DCAF6: variants seen among roughly 807,000 people sequenced by gnomAD.
DCAF6 encodes the protein DDB1 and CUL4 associated factor 6, also known as DDB1- and CUL4-associated factor 6.
DCAF6 carries 54 observed loss-of-function variants against 125.1 expected under a neutral mutation model. The ratio of observed to expected loss-of-function variants is 0.43; its 90% CI spans 0.35 to 0.54. The LOEUF is 0.54. DCAF6 is among the 20% of genes least tolerant of loss of function. DCAF6 has a pLI of 0.01. For synonymous variants in DCAF6, 371 were observed against 390.4 expected (o/e 0.95, Z 0.58); for missense variants, 934 against 1,161.7 (o/e 0.80, Z 2.85).
In DCAF6 at chr1:168,045,209, G is replaced by A. The variant is rs145189179; in HGVS notation, c.2240G>A (p.Arg747Gln). Residue 747 changes from arginine to glutamine, a missense_variant, in exon 16 of 22, where the codon CGA (arginine) becomes CAA (glutamine). Around this residue, in one of 5 missense-constraint regions of DCAF6, gnomAD observed 559 missense variants for 635.5 expected, o/e 0.88. Coordinates refer to ENST00000367840, the MANE Select transcript of DCAF6 (RefSeq NM_001198956.2). Reference sequence around the variant, plus strand: ...GTCCTGATCCCAGGTGCAAGGTATCGAGCAGGACCTGGTGATAGGTTGGTA... The same window carrying A: ...GTCCTGATCCCAGGTGCAAGGTATCAAGCAGGACCTGGTGATAGGTTGGTA... Reference protein sequence around the residue: ...DPVLIPGARYRAGPGDRFNIR... With the variant: ...DPVLIPGARYQAGPGDRFNIR... The A allele has an allele frequency of 5.0e-4, 800 of 1,607,734 alleles. No homozygotes were observed. Among genetic ancestry groups the A allele is most frequent in the Middle Eastern group, 3.0e-3 (18 of 6,028 alleles).
chr1:167,988,169 A>AT (rs932115604), intron 5 of DCAF6, among the ~76,000 whole-genome samples: 4 of 151,808 alleles, frequency 2.6e-5, no homozygotes, highest in Non-Finnish European at 4.4e-5. Context: ...TAATTAATTA[A>AT]TTTTTTTTGA....
chr1:167,870,240 C>T, the DCAF6 span: 1 of 1,613,910 alleles, frequency 6.2e-7, no homozygotes, highest in African/African-American at 1.3e-5. Context: ...ACAGAACAAT[C>T]ATTCCAAGAC....
intron 13 of DCAF6, among the ~76,000 whole-genome samples, chr1:168,039,252 G>A: frequency 6.6e-6 from 1 of 151,900 alleles, no homozygotes; most frequent in East Asian, 1.9e-4. Flanking sequence ...ACATGTAGAA[G>A]TATACGATTT....
chr1:168,047,702 ATGTG>A (rs920179792), intron 16 of DCAF6, among the ~76,000 whole-genome samples: 1 of 151,620 alleles, frequency 6.6e-6, no homozygotes, highest in African/African-American at 2.4e-5. Context: ...TTATATATAT[ATGTG>A]TGTGTGTGTA....
intron 8 of DCAF6, among the ~76,000 whole-genome samples, 166 bp downstream of exon 8, chr1:168,002,741 G>A (rs436256): frequency 6.6e-6 from 1 of 151,600 alleles, no homozygotes; most frequent in Non-Finnish European, 1.5e-5. Context: ...GTGGAATGGC[G>A]CAGTCACTGG....
At chr1:167,925,038 G>T in the DCAF6 span, among the ~76,000 whole-genome samples, 1 of 152,152 alleles carries the variant, frequency 6.6e-6, no homozygotes, top group Non-Finnish European at 1.5e-5. Context: ...GTTTTGAAAA[G>T]TATCACCAGA....
At chr1:167,978,273 T>G (rs1678558231) in intron 4 of DCAF6, among the ~76,000 whole-genome samples, 1 of 152,230 alleles carries the variant, frequency 6.6e-6, no homozygotes, top group South Asian at 2.1e-4. Flanking sequence ...ATATATTTGG[T>G]TATTTTAGAG....
At chr1:167,942,085 G>T (rs1298138426) in intron 1 of DCAF6, among the ~76,000 whole-genome samples, 1 of 151,986 alleles carries the variant, frequency 6.6e-6, no homozygotes, top group Non-Finnish European at 1.5e-5. Flanking sequence ...TTGTTTTTGA[G>T]ACGGAGTTTC....
At chr1:168,016,110 G>T (rs537808764) in intron 11 of DCAF6, among the ~76,000 whole-genome samples, 159 bp downstream of exon 11, 2 of 152,296 alleles carry the variant, frequency 1.3e-5, no homozygotes, top group East Asian at 3.9e-4. Context: ...AACATCACGT[G>T]TTAGGGGGAC....
chr1:167,907,518 C>T, the DCAF6 span, among the ~76,000 whole-genome samples: 2 of 152,230 alleles, frequency 1.3e-5, no homozygotes, highest in Non-Finnish European at 2.9e-5. Flanking sequence ...CCAGAAGTGA[C>T]GTATTTCACT....
the DCAF6 span, among the ~76,000 whole-genome samples, chr1:167,874,762 A>C: frequency 6.6e-6 from 1 of 152,254 alleles, no homozygotes; most frequent in Non-Finnish European, 1.5e-5. Flanking sequence ...TATTTATAAA[A>C]ATGGAATACT....
chr1:167,922,816 T>G, the DCAF6 span, among the ~76,000 whole-genome samples: 2 of 152,112 alleles, frequency 1.3e-5, no homozygotes, highest in Admixed American at 1.3e-4. Flanking sequence ...AAAAGTACAT[T>G]TAAGAGAATT....
chr1:167,929,811 A>G, the DCAF6 span, among the ~76,000 whole-genome samples: 5 of 152,312 alleles, frequency 3.3e-5, no homozygotes, highest in Non-Finnish European at 5.9e-5. Context: ...GGTATTCACT[A>G]TATCCCTCTG....
intron 12 of DCAF6, 160 bp downstream of exon 12, chr1:168,023,207 G>C: frequency 1.3e-6 from 1 of 742,502 alleles, no homozygotes; most frequent in Non-Finnish European, 2.2e-6. Flanking sequence ...GTACATAAAA[G>C]GTCTTTTTGG....
intron 17 of DCAF6, among the ~76,000 whole-genome samples, chr1:168,051,141 CT>C (rs1489969627): frequency 2.6e-5 from 4 of 152,162 alleles, no homozygotes. Context: ...AAGAAATTTC[CT>C]GTGTGCAGAC....
At chr1:168,009,353 T>TCCTTCCTTCCTTCCTC (rs1683866503) in intron 10 of DCAF6, among the ~76,000 whole-genome samples, 5 of 96,336 alleles carry the variant, frequency 5.2e-5, no homozygotes, top group Admixed American at 9.7e-5. Flanking sequence ...CTCCCTTCCT[T>TCCTTCCTTCCTTCCTC]CCTTCCTTCC....
At chr1:168,008,074 A>G (rs989952587) in intron 10 of DCAF6, among the ~76,000 whole-genome samples, 6 of 148,172 alleles carry the variant, frequency 4.0e-5, no homozygotes, top group Non-Finnish European at 7.4e-5. Context: ...GGTTCAAGCA[A>G]TTCTCCTGCC....
chr1:168,051,205 T>A (rs1425315238), intron 17 of DCAF6, among the ~76,000 whole-genome samples: 2 of 152,268 alleles, frequency 1.3e-5, no homozygotes, highest in Non-Finnish European at 2.9e-5. Context: ...TCTGAAATGA[T>A]GTACTTTAAG....
chr1:168,029,972 T>G (rs1472259775), intron 12 of DCAF6, among the ~76,000 whole-genome samples: 1 of 140,002 alleles, frequency 7.1e-6, no homozygotes, highest in African/African-American at 2.7e-5. Flanking sequence ...AGAGCAAGAC[T>G]CCGTCTCAAA....
Sources: allele counts gnomAD v4.1 joint callset (sites outside exome capture counted in the v4.1 genomes callset), GRCh38; gene constraint gnomAD v4.1.1; regional missense constraint gnomAD v4.1.1; transcripts MANE v1.5; gene names NCBI Gene and HGNC (gene_info 2026-07-23, HGNC 2026-07-21).